FOXO1: variants seen among roughly 807,000 people sequenced by gnomAD.
The protein encoded by FOXO1 is forkhead box protein O1.
FOXO1 carries 6 observed loss-of-function variants against 44.1 expected under a neutral mutation model. That is an observed-to-expected ratio of 0.14 (90% confidence interval 0.07 to 0.27). The LOEUF (loss-of-function observed/expected upper bound fraction) is 0.27. Ranked by LOEUF, FOXO1 falls within the 10% of genes least tolerant of loss-of-function variation. The probability of loss-of-function intolerance (pLI) is 1.00; values close to 1 mark genes in which losing one functional copy is unlikely to be tolerated. For synonymous variants in FOXO1, 380 were observed against 362.7 expected (o/e 1.05, Z -0.54); for missense variants, 737 against 888.8 (o/e 0.83, Z 2.17).
intron 1 of FOXO1, among the ~76,000 whole-genome samples, chr13:40,592,764 T>C (rs111707108): frequency 6.6e-6 from 1 of 152,322 alleles, no homozygotes; most frequent in African/African-American, 2.4e-5. Context: ...TCCCAATCCC[T>C]ATTTTCCAAT....
chr13:40,560,344 A>C lies in FOXO1; in HGVS notation c.1147T>G (p.Ser383Ala), dbSNP rs527793201. The C allele has an allele frequency of 6.2e-7, 1 of 1,614,152 alleles. No individual in the cohort carries two copies. The highest frequency in any genetic ancestry group is 1.1e-5 in the South Asian group (1 of 91,076). Reference protein sequence around the residue: ...NLLDNLNLLSSPTSLTVSTQS... With the variant: ...NLLDNLNLLSAPTSLTVSTQS... ...GTCGAAACAGTTAATGATGTTGGTGATGAGAGAAGGTTGAGATTATCCAAA... is the reference window on the plus strand; with the variant it reads ...GTCGAAACAGTTAATGATGTTGGTGCTGAGAGAAGGTTGAGATTATCCAAA... The change falls in exon 2 of 3, where the codon TCA (serine) becomes GCA (alanine). Residue 383 changes from serine to alanine, a missense_variant. Physicochemically the swap from Ser to Ala is moderately conservative, Grantham distance 99. Coordinates refer to ENST00000379561, the MANE Select transcript of FOXO1 (RefSeq NM_002015.4). This position sits in a 1 kb window ranked among gnomAD's most constrained non-coding sequence, Gnocchi z 5.1.
intron 1 of FOXO1, among the ~76,000 whole-genome samples, chr13:40,659,990 A>G (rs1201255040): frequency 6.6e-6 from 1 of 152,204 alleles, no homozygotes; most frequent in Non-Finnish European, 1.5e-5. Context: ...GCAACTGGCA[A>G]AGAGGAAGAT....
chr13:40,568,958 T>C (rs1489297825), intron 1 of FOXO1, among the ~76,000 whole-genome samples: 2 of 151,930 alleles, frequency 1.3e-5, no homozygotes, highest in East Asian at 1.9e-4. Context: ...TAGAACCACA[T>C]GGAGCTTTAG....
intron 1 of FOXO1, among the ~76,000 whole-genome samples, chr13:40,568,567 G>A (rs1265565475): frequency 6.6e-6 from 1 of 152,182 alleles, no homozygotes; most frequent in Non-Finnish European, 1.5e-5. Context: ...TTTTACAAGA[G>A]TTGTCAGTAG....
At chr13:40,566,108 C>T (rs1397220253) in intron 1 of FOXO1, among the ~76,000 whole-genome samples, 1 of 152,226 alleles carries the variant, frequency 6.6e-6, no homozygotes, top group African/African-American at 2.4e-5. Context: ...TTGCTGGGGC[C>T]AGGGGCCTCC....
chr13:40,624,950 A>G (rs1196422664), intron 1 of FOXO1, among the ~76,000 whole-genome samples: 3 of 152,252 alleles, frequency 2.0e-5, no homozygotes, highest in Non-Finnish European at 4.4e-5. Flanking sequence ...TTGCCAACCA[A>G]TCATAAAACA....
At chr13:40,605,196 A>G (rs1875951135) in intron 1 of FOXO1, among the ~76,000 whole-genome samples, 2 of 152,180 alleles carry the variant, frequency 1.3e-5, no homozygotes, top group African/African-American at 2.4e-5. Flanking sequence ...GGGCAACTCT[A>G]TAATAAAACA....
chr13:40,630,713 G>T (rs1371068552), intron 1 of FOXO1, among the ~76,000 whole-genome samples: 1 of 151,808 alleles, frequency 6.6e-6, no homozygotes, highest in Non-Finnish European at 1.5e-5. Flanking sequence ...GGCAAATAGG[G>T]AAAGAGCCTA....
chr13:40,608,222 G>A (rs1005319390), intron 1 of FOXO1, among the ~76,000 whole-genome samples: 1 of 152,170 alleles, frequency 6.6e-6, no homozygotes, highest in African/African-American at 2.4e-5. Flanking sequence ...TATTTCTATG[G>A]CCTCTTGTCG....
At chr13:40,615,566 T>TACAC (rs1187908329) in intron 1 of FOXO1, among the ~76,000 whole-genome samples, 2,082 of 121,246 alleles carry the variant, frequency 0.017, 100 homozygotes, top group Non-Finnish European at 0.026. Flanking sequence ...CATACATACA[T>TACAC]ACATACATAC....
intron 1 of FOXO1, among the ~76,000 whole-genome samples, chr13:40,656,051 A>G (rs1877849880): frequency 6.6e-6 from 1 of 152,192 alleles, no homozygotes; most frequent in South Asian, 2.1e-4. Context: ...TTGGTTCAAC[A>G]TGAGCTAGTC....
intron 1 of FOXO1, among the ~76,000 whole-genome samples, chr13:40,605,937 C>T (rs1381706220): frequency 1.3e-5 from 2 of 151,896 alleles, no homozygotes; most frequent in African/African-American, 4.8e-5. Context: ...ATCTAGAAAA[C>T]GTACATCGAC....
At chr13:40,657,035 G>T (rs956955072) in intron 1 of FOXO1, among the ~76,000 whole-genome samples, 1 of 152,080 alleles carries the variant, frequency 6.6e-6, no homozygotes, top group South Asian at 2.1e-4. Flanking sequence ...GGATTTCACC[G>T]TGTTAGCCAG....
At chr13:40,626,365 A>T (rs1876785587) in intron 1 of FOXO1, among the ~76,000 whole-genome samples, 1 of 152,250 alleles carries the variant, frequency 6.6e-6, no homozygotes, top group Non-Finnish European at 1.5e-5. Context: ...AATAAGTGAT[A>T]AACAGTTTAC....
intron 1 of FOXO1, among the ~76,000 whole-genome samples, chr13:40,582,558 T>A (rs1320045787): frequency 1.3e-5 from 2 of 152,232 alleles, no homozygotes; most frequent in Non-Finnish European, 2.9e-5. Flanking sequence ...TATGTAATAT[T>A]CTAAAGCCTT....
At chr13:40,587,601 C>T (rs1354333682) in intron 1 of FOXO1, among the ~76,000 whole-genome samples, 1 of 152,144 alleles carries the variant, frequency 6.6e-6, no homozygotes, top group Non-Finnish European at 1.5e-5. Flanking sequence ...ACTAGGATGG[C>T]CCCAAAGACA....
At chr13:40,594,856 CT>C (rs1875517630) in intron 1 of FOXO1, among the ~76,000 whole-genome samples, 1 of 152,074 alleles carries the variant, frequency 6.6e-6, no homozygotes, top group Admixed American at 6.6e-5. Context: ...CAGCTAATTT[CT>C]TTTATTTTTT....
intron 1 of FOXO1, among the ~76,000 whole-genome samples, chr13:40,584,910 C>T (rs1593388501): frequency 6.6e-6 from 1 of 152,200 alleles, no homozygotes; most frequent in African/African-American, 2.4e-5. Context: ...GGTTTGGGAA[C>T]ACCTGAACTA....
rs747250219 is a variant in FOXO1 at position 40,641,419 on chromosome 13, C to CAT, written c.630+24162_630+24163dup. ...TCTCATTATATCTCATTATATATATCATATATATATATATCATTATATATT... is the reference window on the plus strand; with the variant it reads ...TCTCATTATATCTCATTATATATATCATATATATATATATATCATTATATATT... On this transcript the variant is annotated intron_variant, in intron 1 of 2. Transcript: ENST00000379561. 8.0e-3 allele frequency among the ~76,000 whole-genome samples: 1,201 copies of CAT among 149,756 alleles called. 14 individuals carry two copies. Among genetic ancestry groups the CAT allele is most frequent in the African/African-American group, 0.022 (893 of 40,954 alleles).
Sources: gnomAD v4.1 joint callset for allele counts (sites outside exome capture counted in the v4.1 genomes callset) on GRCh38, gnomAD v4.1.1 for gene constraint, Gnocchi (gnomAD v3.1) non-coding constraint, MANE v1.5 for transcripts, NCBI Gene and HGNC (gene_info 2026-07-23, HGNC 2026-07-21) for gene names.